PARD3: variants seen among roughly 807,000 people sequenced by gnomAD.
The protein encoded by PARD3 is partitioning defective 3 homolog.
In PARD3, 75 loss-of-function variants were observed where a neutral mutation model predicts 155.4. That is an observed-to-expected ratio of 0.48 (90% confidence interval 0.40 to 0.58). The LOEUF (loss-of-function observed/expected upper bound fraction) is 0.58. Ranked by LOEUF, PARD3 falls within the 20% of genes least tolerant of loss-of-function variation. The probability of loss-of-function intolerance (pLI) is 0.00; values close to 1 mark genes in which losing one functional copy is unlikely to be tolerated. For missense variants in PARD3, 1,642 were observed against 1,721.7 expected, an observed-to-expected ratio of 0.95 and a Z score of 0.82; for synonymous variants, 576 against 610.5, an observed-to-expected ratio of 0.94 and a Z score of 0.83.
At chr10:34,697,769 ACT>A (rs1239900054) in intron 1 of PARD3, among the ~76,000 whole-genome samples, 27 of 146,036 alleles carry the variant, frequency 1.8e-4, no homozygotes, top group Admixed American at 4.0e-4. Flanking sequence ...TAAAACAAAC[ACT>A]CACACACACA....
At chr10:34,814,697 C>G (rs1844678772) in intron 1 of PARD3, among the ~76,000 whole-genome samples, 179 bp downstream of exon 1, 1 of 151,866 alleles carries the variant, frequency 6.6e-6, no homozygotes, top group African/African-American at 2.4e-5. Flanking sequence ...CGCCCCGGCC[C>G]GCGCAGAGAA....
intron 22 of PARD3, among the ~76,000 whole-genome samples, chr10:34,132,980 G>A (rs1947691893): frequency 1.3e-5 from 2 of 152,034 alleles, no homozygotes; most frequent in South Asian, 4.2e-4. Flanking sequence ...TGGGCCACTG[G>A]ATGGCCAAAC....
At chr10:34,542,234 T>TGTGTGTGTGTGTGCAC (rs143582528) in intron 2 of PARD3, among the ~76,000 whole-genome samples, 3,427 of 146,256 alleles carry the variant, frequency 0.023, 84 homozygotes, top group Non-Finnish European at 0.031. Flanking sequence ...TGTGTGTGTG[T>TGTGTGTGTGTGTGCAC]GTGTGCACAC....
chr10:34,474,919 A>T (rs2078609918), intron 3 of PARD3, among the ~76,000 whole-genome samples: 1 of 152,234 alleles, frequency 6.6e-6, no homozygotes, highest in Non-Finnish European at 1.5e-5. Flanking sequence ...AGCCATAAAC[A>T]TATATTGTAA....
intron 3 of PARD3, among the ~76,000 whole-genome samples, chr10:34,510,264 G>A (rs2081326349): frequency 6.6e-6 from 1 of 152,078 alleles, no homozygotes; most frequent in Admixed American, 6.6e-5. Flanking sequence ...TCCAATCAGA[G>A]CACACTCAAG....
intron 3 of PARD3, among the ~76,000 whole-genome samples, chr10:34,482,773 TGA>T (rs1205596403): frequency 6.6e-6 from 1 of 151,278 alleles, no homozygotes; most frequent in Non-Finnish European, 1.5e-5. Flanking sequence ...GGAAAGAAAC[TGA>T]GAGAAGAAAA....
chr10:34,783,346 T>G (rs1183820582), intron 1 of PARD3, among the ~76,000 whole-genome samples: 1 of 152,156 alleles, frequency 6.6e-6, no homozygotes, highest in African/African-American at 2.4e-5. Context: ...GGCTCACGCC[T>G]GTAATCCCAG....
intron 21 of PARD3, among the ~76,000 whole-genome samples, chr10:34,271,580 C>T (rs766187133): frequency 2.6e-5 from 4 of 152,100 alleles, no homozygotes; most frequent in Non-Finnish European, 4.4e-5. Flanking sequence ...TACCAAAAAC[C>T]GACAGGTTCC....
intron 2 of PARD3, among the ~76,000 whole-genome samples, chr10:34,610,430 T>C (rs1564413547): frequency 6.6e-6 from 1 of 152,182 alleles, no homozygotes; most frequent in Non-Finnish European, 1.5e-5. Flanking sequence ...TCGGACATTA[T>C]GGGAACAGAA....
chr10:34,228,443 A>T (rs949084091), intron 22 of PARD3, among the ~76,000 whole-genome samples: 12 of 152,134 alleles, frequency 7.9e-5, no homozygotes, highest in Non-Finnish European at 1.6e-4. Flanking sequence ...CATGCAAAAA[A>T]TTATACATAT....
intron 1 of PARD3, among the ~76,000 whole-genome samples, chr10:34,809,511 T>G (rs1021787969): frequency 5.3e-5 from 8 of 152,324 alleles, no homozygotes; most frequent in Admixed American, 1.3e-4. Context: ...GAGATGGCTG[T>G]CTGGGCTAAG....
chr10:34,154,900 T>C (rs1948936009), intron 22 of PARD3, among the ~76,000 whole-genome samples: 1 of 152,234 alleles, frequency 6.6e-6, no homozygotes, highest in African/African-American at 2.4e-5. Flanking sequence ...ATTACCATTG[T>C]TATTTACTAA....
intron 5 of PARD3, among the ~76,000 whole-genome samples, chr10:34,403,365 T>G: frequency 6.6e-6 from 1 of 152,176 alleles, no homozygotes; most frequent in Non-Finnish European, 1.5e-5. Flanking sequence ...GAGAAAAATT[T>G]TATATTTTCA....
rs1185067110 is a variant in PARD3 at position 34,120,004 on chromosome 10, A to ATTTTTTTTTTTTTTTTTTTTTTTTTTTT, written c.3541-292_3541-265dup. ...AGATCAAACTTTCTAGTCTTCTTTA[A>ATTTTTTTTTTTTTTTTTTTTTTTTTTTT]TTTTTTTTTTTTTTTTTTTTTTTTT... On this transcript the variant is annotated intron_variant, in intron 23 of 24. Coordinates refer to ENST00000374788, the MANE Select transcript of PARD3 (RefSeq NM_001184785.2). 5.4e-5 allele frequency among the ~76,000 whole-genome samples: 4 copies of ATTTTTTTTTTTTTTTTTTTTTTTTTTTT among 73,794 alleles called. 1 individual carries two copies. Among genetic ancestry groups the ATTTTTTTTTTTTTTTTTTTTTTTTTTTT allele is most frequent in the African/African-American group, 2.4e-4 (4 of 17,020 alleles). 48.4% of individuals were successfully genotyped at this position (73,794 alleles called of 152,430 possible). A position where few individuals can be genotyped will look rare whatever the true frequency, so the allele number is the denominator to read the frequency against.
intron 22 of PARD3, among the ~76,000 whole-genome samples, chr10:34,229,661 C>CGTGCGT (rs1554814524): frequency 2.1e-5 from 3 of 145,618 alleles, no homozygotes; most frequent in Non-Finnish European, 4.6e-5. Context: ...GTTGAGGGTG[C>CGTGCGT]GTGTGTGTGT....
intron 22 of PARD3, among the ~76,000 whole-genome samples, chr10:34,261,851 C>A (rs4934509): frequency 0.56 from 75,017 of 134,156 alleles, 19,788 homozygotes; most frequent in Middle Eastern, 0.66. Context: ...CAAACACACA[C>A]ACACTGGACA....
At chr10:34,203,662 A>C (rs1951325219) in intron 22 of PARD3, among the ~76,000 whole-genome samples, 1 of 152,250 alleles carries the variant, frequency 6.6e-6, no homozygotes, top group Non-Finnish European at 1.5e-5. Context: ...GAACATGTTC[A>C]GTGGAGATGC....
chr10:34,698,861 T>C (rs2094222259), intron 1 of PARD3, among the ~76,000 whole-genome samples: 1 of 152,242 alleles, frequency 6.6e-6, no homozygotes, highest in Non-Finnish European at 1.5e-5. Flanking sequence ...TACCAATTCT[T>C]TGATGATCTT....
chr10:34,498,946 A>G (rs1312333238), intron 3 of PARD3, among the ~76,000 whole-genome samples: 1 of 152,222 alleles, frequency 6.6e-6, no homozygotes, highest in African/African-American at 2.4e-5. Context: ...ATAGCACTGA[A>G]GTAATAGCCC....
Sources: allele counts gnomAD v4.1 joint callset (sites outside exome capture counted in the v4.1 genomes callset), GRCh38; gene constraint gnomAD v4.1.1; transcripts MANE v1.5; gene names NCBI Gene and HGNC (gene_info 2026-07-23, HGNC 2026-07-21).